The following ASB2 variants were observed in gnomAD, a reference collection of about 807,000 sequenced individuals.
ASB2 encodes ankyrin repeat and SOCS box containing 2.
In ASB2, 58 loss-of-function variants were observed where a neutral mutation model predicts 62.4. The ratio of observed to expected loss-of-function variants is 0.93; its 90% confidence interval spans 0.75 to 1.16. The LOEUF is 1.16. Among genes scored for constraint, ASB2 ranks in the 50% most tolerant of loss-of-function variants. ASB2 has a pLI of 0.00. For synonymous variants in ASB2, 386 were observed against 385.3 expected, an observed-to-expected ratio of 1.00 and a Z score of -0.02; for missense variants, 928 against 887.9, an observed-to-expected ratio of 1.05 and a Z score of -0.57.
chr14:93,962,246 C>T (rs886165476), intron 2 of ASB2, among the ~76,000 whole-genome samples: 17 of 148,010 alleles, frequency 1.1e-4, no homozygotes, highest in South Asian at 6.4e-4. Flanking sequence ...TCCCAAGTAG[C>T]TGGGACTACA....
In ASB2 at chr14:93,951,258, G is replaced by A; in HGVS notation, c.635-14C>T. ...TGCGCTCGCAGGCTGTGCTCAGGGG[G>A]AAGCAGGGATGGTCAGCAGGGCCTG... On this transcript the variant is annotated splice_polypyrimidine_tract_variant and intron_variant, in intron 5 of 9. Transcript: ENST00000555019. 6.3e-7 allele frequency: 1 copy of A among 1,581,452 alleles called. No homozygotes were observed. Among genetic ancestry groups the A allele is most frequent in the Non-Finnish European group, 8.6e-7 (1 of 1,164,560 alleles).
chr14:93,973,580 C>T (rs1567034719), intron 1 of ASB2, among the ~76,000 whole-genome samples: 1 of 152,224 alleles, frequency 6.6e-6, no homozygotes, highest in Admixed American at 6.5e-5. Context: ...AAAAGTCAAG[C>T]TTCCAGTTTA....
intron 1 of ASB2, chr14:93,968,258 A>G (rs1292674903): frequency 6.6e-6 from 1 of 152,112 alleles, no homozygotes; most frequent in Non-Finnish European, 1.5e-5. Context: ...GAGACTTTAC[A>G]TTGGCCAATT....
At chr14:93,947,547 T>C (rs895246406) in intron 6 of ASB2, 27 bp from the exon 7 acceptor site, 6 of 1,610,194 alleles carry the variant, frequency 3.7e-6, no homozygotes, top group African/African-American at 1.3e-5. Context: ...GATCAGCAAG[T>C]GGCCAAGTGA....
chr14:93,939,722 C>G (rs1440819824), intron 7 of ASB2, 50 bp from the exon 8 acceptor site: 1 of 1,304,468 alleles, frequency 7.7e-7, no homozygotes, highest in Non-Finnish European at 9.9e-7. Flanking sequence ...GGGGTGTGGA[C>G]GGGTAGGGCC....
intron 2 of ASB2, among the ~76,000 whole-genome samples, chr14:93,958,335 G>C (rs1175381403): frequency 6.6e-6 from 1 of 152,198 alleles, no homozygotes; most frequent in African/African-American, 2.4e-5. Context: ...GGACTTAACT[G>C]TGCAGGGTCA....
At chr14:93,965,663 C>T (rs1889566654) in intron 1 of ASB2, among the ~76,000 whole-genome samples, 1 of 152,192 alleles carries the variant, frequency 6.6e-6, no homozygotes, top group African/African-American at 2.4e-5. Flanking sequence ...ACATGGCCCT[C>T]TAAAAAATAC....
intron 2 of ASB2, among the ~76,000 whole-genome samples, chr14:93,957,898 A>G (rs1420399728): frequency 6.6e-6 from 1 of 151,854 alleles, no homozygotes; most frequent in Admixed American, 6.6e-5. Context: ...CGGGCCTTTC[A>G]CCACACTCTT....
At chr14:93,957,517 G>T in intron 2 of ASB2, 1 of 459,736 alleles carries the variant, frequency 2.2e-6, no homozygotes, top group Non-Finnish European at 2.9e-6. Flanking sequence ...GCACTCCTTG[G>T]CTGTGTGACG....
intron 2 of ASB2, among the ~76,000 whole-genome samples, chr14:93,961,942 G>T (rs1889419750): frequency 6.6e-6 from 1 of 152,208 alleles, no homozygotes; most frequent in East Asian, 1.9e-4. Flanking sequence ...ACAGACTTTG[G>T]TTCCATGCCT....
intron 1 of ASB2, among the ~76,000 whole-genome samples, chr14:93,966,304 G>A (rs1171174337): frequency 6.6e-6 from 1 of 152,256 alleles, no homozygotes; most frequent in African/African-American, 2.4e-5. Flanking sequence ...CAAGCCAGGT[G>A]GGACAATCTC....
intron 1 of ASB2, among the ~76,000 whole-genome samples, chr14:93,966,139 C>G (rs1889585115): frequency 6.6e-6 from 1 of 152,268 alleles, no homozygotes; most frequent in Non-Finnish European, 1.5e-5. Context: ...TCAAAGTTCA[C>G]TGCATGGCTG....
chr14:93,958,477 CACTG>C (rs1337589210), intron 2 of ASB2, among the ~76,000 whole-genome samples: 1 of 152,252 alleles, frequency 6.6e-6, no homozygotes, highest in Non-Finnish European at 1.5e-5. Context: ...CCGACCTCCA[CACTG>C]ACTGTCCCTG....
chr14:93,949,379 G>A (rs555779470), intron 6 of ASB2, among the ~76,000 whole-genome samples: 2 of 152,336 alleles, frequency 1.3e-5, no homozygotes, highest in Admixed American at 6.5e-5. Flanking sequence ...AAGCCTTTAG[G>A]AGCCTCGGTT....
chr14:93,953,397 C>A lies in ASB2; in HGVS notation c.589G>T (p.Glu197Ter), dbSNP rs1191631219. Residue 197 changes from glutamate (E) to a stop codon, truncating the protein, a stop_gained, in exon 5 of 10, where the codon GAG becomes TAG. Coordinates refer to ENST00000555019, the MANE Select transcript of ASB2 (RefSeq NM_001202429.2). LOFTEE classifies it high-confidence loss of function. ...CGGGATTTGTTGGAGATGTCCGGCT[C>A]TGCCCCTGCTTGGAGCAGTGACAGG... The part of the protein sequence containing the change: ...CLLSLLQAGA[E>*]PDISNKSRET... 4.4e-6 allele frequency: 7 copies of A among 1,602,244 alleles called. No homozygotes were observed. The highest frequency in any genetic ancestry group is 6.0e-6 in the Non-Finnish European group (7 of 1,170,528).
chr14:93,959,495 C>T (rs1020097717), intron 2 of ASB2, among the ~76,000 whole-genome samples: 3 of 152,202 alleles, frequency 2.0e-5, no homozygotes, highest in Non-Finnish European at 2.9e-5. Context: ...CTGGAGGCCC[C>T]ATTTCCCCTC....
Position 93,964,863 on chromosome 14 carries a change from C to T in ASB2, c.-73-251G>A, listed in dbSNP as rs189652163. On this transcript the variant is annotated intron_variant, in intron 1 of 9. Transcript: ENST00000555019. ...TCCTCCCATACATCCATCTACCCACCGAGCTATATATTATCTACCTTCCCA... is the reference window on the plus strand; with the variant it reads ...TCCTCCCATACATCCATCTACCCACTGAGCTATATATTATCTACCTTCCCA... Among the ~76,000 whole-genome samples the T allele has an allele frequency of 2.8e-3, 424 of 152,146 alleles. 1 individual carries two copies. Among genetic ancestry groups the T allele is most frequent in the Non-Finnish European group, 4.8e-3 (326 of 67,988 alleles).
At chr14:93,938,608 C>T (rs1888369102) in intron 8 of ASB2, among the ~76,000 whole-genome samples, 1 of 152,150 alleles carries the variant, frequency 6.6e-6, no homozygotes, top group South Asian at 2.1e-4. Context: ...CTGCTTCTGA[C>T]CTGACCCTAC....
At chr14:93,973,590 A>G (rs1889823806) in intron 1 of ASB2, among the ~76,000 whole-genome samples, 1 of 152,194 alleles carries the variant, frequency 6.6e-6, no homozygotes, top group Non-Finnish European at 1.5e-5. Context: ...CTTCCAGTTT[A>G]CTTCTTTGGG....
Sources: gnomAD v4.1 joint callset for allele counts (sites outside exome capture counted in the v4.1 genomes callset) on GRCh38, gnomAD v4.1.1 for gene constraint, MANE v1.5 for transcripts, NCBI Gene and HGNC (gene_info 2026-07-23, HGNC 2026-07-21) for gene names.